Variants in DIP2C observed in about 807,000 individuals in gnomAD.
DIP2C encodes DIP2 acetate--CoA ligase C (putative).
DIP2C carries 33 observed loss-of-function variants against 192.4 expected under a neutral mutation model. That is an observed-to-expected ratio of 0.17 (90% confidence interval 0.13 to 0.23). The LOEUF (loss-of-function observed/expected upper bound fraction) is 0.23. Ranked by LOEUF, DIP2C falls within the 10% of genes least tolerant of loss-of-function variation. DIP2C has a pLI of 1.00. For synonymous variants in DIP2C, 979 were observed against 864.1 expected (o/e 1.13, Z -2.33); for missense variants, 1,537 against 2,110.1 (o/e 0.73, Z 5.32).
In DIP2C at chr10:380,793, C is replaced by A. The variant is rs142382820; in HGVS notation, c.1991+1854G>T. ...ACTTAGTACAGCTTTACGGAATGTA[C>A]GAAAGCCGTTTTTCACTTAATAACC... On this transcript the variant is annotated intron_variant, in intron 17 of 36. Transcript: ENST00000280886. Among the ~76,000 whole-genome samples, 1,023 of 152,256 alleles carry A rather than the reference C, an allele frequency of 6.7e-3. 16 individuals carry two copies. The highest frequency in any genetic ancestry group is 0.023 in the African/African-American group (942 of 41,528).
At chr10:381,202 A>G (rs1424772052) in intron 17 of DIP2C, among the ~76,000 whole-genome samples, 1 of 152,200 alleles carries the variant, frequency 6.6e-6, no homozygotes, top group East Asian at 1.9e-4. Flanking sequence ...GCAATGGCCA[A>G]TTATACAGAT....
At chr10:654,511 T>G (rs1406725563) in intron 1 of DIP2C, among the ~76,000 whole-genome samples, 1 of 152,152 alleles carries the variant, frequency 6.6e-6, no homozygotes, top group East Asian at 1.9e-4. Context: ...AACAGCAAGA[T>G]CCACGGAGGC....
chr10:654,184 G>A (rs534942223), intron 1 of DIP2C, among the ~76,000 whole-genome samples: 76 of 152,268 alleles, frequency 5.0e-4, no homozygotes, highest in South Asian at 1.5e-3. Context: ...AGACGCTGCC[G>A]GAGATTGGTA....
In DIP2C at chr10:363,095, C is replaced by T; in HGVS notation, c.2592+102G>A. The T allele has an allele frequency of 4.9e-6, 5 of 1,027,584 alleles. No individual in the cohort carries two copies. The highest frequency in any genetic ancestry group is 2.6e-5 in the East Asian group (1 of 38,306). The allele number at this position is 1,027,584 out of a possible 1,614,324, so 63.7% of individuals were successfully genotyped here. On this transcript the variant is annotated intron_variant, in intron 21 of 36. Transcript: ENST00000280886. This position sits in a 1 kb window ranked among gnomAD's most constrained non-coding sequence, Gnocchi z 5.4. ...AATGAAGGGAAGGGAAAAAGGGCCA[C>T]CCCATGGGCAAAGCAACAGCTGGTC...
intron 1 of DIP2C, among the ~76,000 whole-genome samples, chr10:670,099 C>T (rs541804676): frequency 5.0e-4 from 76 of 152,318 alleles, no homozygotes; most frequent in African/African-American, 1.7e-3. Flanking sequence ...CATACACACA[C>T]ATCCACACGT....
chr10:345,195 A>G (rs1322125396), intron 26 of DIP2C, 85 bp from the exon 27 acceptor site: 1 of 1,250,576 alleles, frequency 8.0e-7, no homozygotes, highest in South Asian at 1.3e-5. Context: ...TGCTTACTAC[A>G]TACACTAAAA....
At position 349,509 on chromosome 10, in the gene DIP2C, CAG is replaced by C. The variant is rs1958688644; in HGVS notation, c.2986-57_2986-56del. ...AAGATTCCTTCAGCAGAGCAGCTTG[CAG>C]AGAGCGCGCACGCGTCATACAACTC... On this transcript the variant is annotated intron_variant, in intron 24 of 36. Coordinates refer to ENST00000280886, the MANE Select transcript of DIP2C (RefSeq NM_014974.3). 53 of 1,571,908 alleles carry C rather than the reference CAG, an allele frequency of 3.4e-5. No individual in the cohort carries two copies. In the South Asian group the frequency reaches 5.7e-4, roughly 17 times the overall value.
At chr10:463,202 G>A (rs1393684951) in intron 3 of DIP2C, among the ~76,000 whole-genome samples, 1 of 152,184 alleles carries the variant, frequency 6.6e-6, no homozygotes, top group African/African-American at 2.4e-5. Flanking sequence ...AAGAGAGAAA[G>A]TCAAATTGTT....
Position 414,121 on chromosome 10 carries a change from T to G in DIP2C, c.860-11A>C. ...GATCCGGTTGTTGAACTAAATCGTT[T>G]GAATACAAGAGGTTACAAGAGAAAT... On this transcript the variant is annotated splice_polypyrimidine_tract_variant and intron_variant, in intron 7 of 36. Transcript: ENST00000280886. 6.2e-7 allele frequency: 1 copy of G among 1,607,564 alleles called. No individual in the cohort carries two copies. The highest frequency in any genetic ancestry group is 1.1e-5 in the South Asian group (1 of 90,606).
At chr10:327,922 C>T (rs1164443720) in intron 30 of DIP2C, among the ~76,000 whole-genome samples, 2 of 152,166 alleles carry the variant, frequency 1.3e-5, no homozygotes, top group African/African-American at 4.8e-5. Context: ...GAGTTAAGCT[C>T]AGCTCACTCT....
At chr10:613,757 CA>C (rs1853254056) in intron 1 of DIP2C, among the ~76,000 whole-genome samples, 1 of 152,182 alleles carries the variant, frequency 6.6e-6, no homozygotes, top group African/African-American at 2.4e-5. Context: ...GCATTTCGCA[CA>C]CCTGCTTTGG....
chr10:626,743 CG>C (rs1854228951), intron 1 of DIP2C, among the ~76,000 whole-genome samples: 4 of 139,316 alleles, frequency 2.9e-5, no homozygotes, highest in Admixed American at 2.1e-4. Context: ...ACGGTCACGC[CG>C]ATTGTCAGGC....
intron 33 of DIP2C, among the ~76,000 whole-genome samples, chr10:286,737 A>G (rs964661022): frequency 2.0e-5 from 3 of 152,250 alleles, no homozygotes; most frequent in Admixed American, 1.3e-4. Flanking sequence ...AGTTGTTTCA[A>G]TGAAGTTATT....
intron 9 of DIP2C, among the ~76,000 whole-genome samples, chr10:399,746 G>A (rs1295996841): frequency 6.6e-6 from 1 of 152,206 alleles, no homozygotes. Context: ...AATGCACATA[G>A]AGAACTCAGT....
chr10:579,827 A>C (rs965012658), intron 1 of DIP2C, among the ~76,000 whole-genome samples: 2 of 152,028 alleles, frequency 1.3e-5, no homozygotes, highest in African/African-American at 4.8e-5. Context: ...GTGTACATGC[A>C]TAGCATGTAC....
intron 1 of DIP2C, among the ~76,000 whole-genome samples, chr10:607,875 G>A (rs370189623): frequency 1.3e-5 from 2 of 151,932 alleles, no homozygotes; most frequent in Non-Finnish European, 2.9e-5. Context: ...AGGCCCACAA[G>A]GCCATTTGTG....
chr10:279,166 A>C (rs1375471962), intron 36 of DIP2C, among the ~76,000 whole-genome samples: 1 of 152,164 alleles, frequency 6.6e-6, no homozygotes, highest in Non-Finnish European at 1.5e-5. Flanking sequence ...GGAGCATGCT[A>C]AGAGCTGTTT....
intron 30 of DIP2C, among the ~76,000 whole-genome samples, chr10:328,996 T>C (rs948584253): frequency 3.5e-4 from 53 of 152,208 alleles, no homozygotes; most frequent in African/African-American, 1.2e-3. Context: ...GTAAAATGAA[T>C]TGAGCTTAGG....
intron 1 of DIP2C, among the ~76,000 whole-genome samples, chr10:684,773 G>A (rs1179088026): frequency 6.6e-5 from 10 of 152,198 alleles, no homozygotes; most frequent in East Asian, 3.9e-4. Flanking sequence ...CCTCTTTGGC[G>A]ACAGCAACGT....
Sources: gnomAD v4.1 joint callset for allele counts (sites outside exome capture counted in the v4.1 genomes callset) on GRCh38, gnomAD v4.1.1 for gene constraint, Gnocchi (gnomAD v3.1) non-coding constraint, MANE v1.5 for transcripts, NCBI Gene and HGNC (gene_info 2026-07-23, HGNC 2026-07-21) for gene names.